The following METTL15 variants were observed in gnomAD, a reference collection of about 807,000 sequenced individuals.
METTL15 encodes the protein methyltransferase 15, mitochondrial 12S rRNA N4-cytidine, also known as 12S rRNA N(4)-cytidine methyltransferase METTL15.
Under a neutral mutation model 38.3 loss-of-function variants are expected in METTL15, and 34 were observed. That is an observed-to-expected ratio of 0.89 (90% CI 0.68 to 1.18). The LOEUF (loss-of-function observed/expected upper bound fraction) is 1.18, where lower values mean the gene tolerates loss of function less well. Ranked by LOEUF, METTL15 falls within the 50% of genes most tolerant of loss-of-function variation. METTL15 has a pLI of 0.00. For missense variants in METTL15, 438 were observed against 498.4 expected, an observed-to-expected ratio of 0.88 and a Z score of 1.15; for synonymous variants, 162 against 170.9, an observed-to-expected ratio of 0.95 and a Z score of 0.41.
chr11:28,233,039 G>A (rs1252452436), intron 4 of METTL15, among the ~76,000 whole-genome samples: 3 of 151,956 alleles, frequency 2.0e-5, no homozygotes, highest in Admixed American at 2.0e-4. Context: ...AACAAAATTA[G>A]CCTTTATTTT....
chr11:28,239,575 T>C (rs893103533), intron 4 of METTL15, among the ~76,000 whole-genome samples: 5 of 152,208 alleles, frequency 3.3e-5, no homozygotes, highest in Non-Finnish European at 7.3e-5. Flanking sequence ...GTTATCCTTC[T>C]TAAAAGCAAA....
intron 6 of METTL15, among the ~76,000 whole-genome samples, chr11:28,517,965 A>T (rs1231363555): frequency 6.6e-6 from 1 of 152,236 alleles, no homozygotes; most frequent in Non-Finnish European, 1.5e-5. Flanking sequence ...CCACATGGAA[A>T]ACTTGCAAAC....
At chr11:28,249,299 A>G (rs2133919588) in intron 4 of METTL15, among the ~76,000 whole-genome samples, 1 of 152,150 alleles carries the variant, frequency 6.6e-6, no homozygotes, top group Non-Finnish European at 1.5e-5. Flanking sequence ...TACTTAGCTA[A>G]GAATTTTACA....
chr11:28,358,591 C>T (rs549865236), intron 4 of METTL15, among the ~76,000 whole-genome samples: 130 of 152,224 alleles, frequency 8.5e-4, no homozygotes, highest in African/African-American at 2.6e-3. Flanking sequence ...TCTTTGCTAC[C>T]GCCTCCCCTG....
At chr11:28,455,446 T>C (rs11030344) in intron 6 of METTL15, among the ~76,000 whole-genome samples, 64,183 of 151,832 alleles carry the variant, frequency 0.42, 14,964 homozygotes, top group Admixed American at 0.54. Context: ...CCATTTTGTC[T>C]CTGTGTCTTG....
chr11:28,206,302 A>G (rs1590156295), intron 3 of METTL15, among the ~76,000 whole-genome samples: 3 of 151,972 alleles, frequency 2.0e-5, no homozygotes, highest in South Asian at 2.1e-4. Flanking sequence ...TAAGGAAGGG[A>G]TCCAGTTTCA....
intron 6 of METTL15, among the ~76,000 whole-genome samples, chr11:28,502,642 T>C (rs985041996): frequency 6.6e-6 from 1 of 152,224 alleles, no homozygotes; most frequent in Non-Finnish European, 1.5e-5. Flanking sequence ...ACAATTTTGG[T>C]TATTTGCACA....
intron 5 of METTL15, among the ~76,000 whole-genome samples, chr11:28,398,006 G>A (rs1007917672): frequency 1.6e-4 from 25 of 151,774 alleles, no homozygotes; most frequent in Admixed American, 4.6e-4. Flanking sequence ...CCAAAACACC[G>A]CATGTTCTCA....
chr11:28,511,745 T>C (rs1851676167), intron 6 of METTL15, among the ~76,000 whole-genome samples: 1 of 152,182 alleles, frequency 6.6e-6, no homozygotes. Flanking sequence ...AAAGGCAGTG[T>C]GGACCCAAAG....
chr11:28,204,937 C>T (rs1253402716), intron 3 of METTL15, among the ~76,000 whole-genome samples: 4 of 151,720 alleles, frequency 2.6e-5, no homozygotes, highest in African/African-American at 9.7e-5. Flanking sequence ...CAGGTAATTT[C>T]AAAGAAGTTC....
chr11:28,120,861 C>CT (rs34663473), intron 3 of METTL15, among the ~76,000 whole-genome samples: 1 of 151,972 alleles, frequency 6.6e-6, no homozygotes, highest in African/African-American at 2.4e-5. Context: ...GAACCTTGTC[C>CT]TTTTTTTCTC....
rs1472239476 is a variant in METTL15, at chr11:28,332,006, A to G, written c.*1165A>G. On this transcript the variant is annotated 3_prime_UTR_variant, in exon 7 of 7. Transcript: ENST00000407364. ...CACTTTTTTCAAATACAGAAAAAAG[A>G]TTCTCCATTATAGTTACAAATTTTA... is the stretch of plus-strand genomic sequence containing the variant. 1 of 152,210 alleles carries G rather than the reference A, an allele frequency of 6.6e-6. No individual in the cohort carries two copies. 9.4% of individuals were successfully genotyped at this position (152,210 alleles called of 1,614,324 possible). A position where few individuals can be genotyped will look rare whatever the true frequency, so the allele number is the denominator to read the frequency against.
intron 4 of METTL15, among the ~76,000 whole-genome samples, chr11:28,289,976 A>G (rs1856445434): frequency 6.6e-6 from 1 of 152,302 alleles, no homozygotes; most frequent in Middle Eastern, 3.4e-3. Flanking sequence ...AAGATATACA[A>G]TAAATTGTGT....
intron 4 of METTL15, among the ~76,000 whole-genome samples, chr11:28,254,770 A>G (rs921847186): frequency 1.3e-5 from 2 of 152,182 alleles, no homozygotes; most frequent in East Asian, 3.8e-4. Flanking sequence ...AACTTTGTGT[A>G]AAATGAATTC....
Position 28,453,313 on chromosome 11 carries a change from G to A in METTL15, c.*424+28949G>A, listed in dbSNP as rs557103793. The stretch of plus-strand genomic sequence containing the variant: ...ATAAAAGAAATCCAGCTGGATTATA[G>A]TTACCAGGTTCTAAGAGCCAAATAC... On this transcript the variant is annotated intron_variant and NMD_transcript_variant, in intron 6 of 7. Transcript: ENST00000532947. Among the ~76,000 whole-genome samples the A allele has an allele frequency of 5.3e-5, 8 of 152,282 alleles. No individual in the cohort carries two copies. In the South Asian group the frequency reaches 1.7e-3, roughly 32 times the overall value.
chr11:28,122,891 T>A (rs2133610801), intron 3 of METTL15, among the ~76,000 whole-genome samples: 1 of 152,128 alleles, frequency 6.6e-6, no homozygotes, highest in African/African-American at 2.4e-5. Flanking sequence ...AACTAATTCT[T>A]TGCTACTAAA....
chr11:28,297,284 C>A (rs1246342513), intron 6 of METTL15, among the ~76,000 whole-genome samples: 2 of 152,118 alleles, frequency 1.3e-5, no homozygotes, highest in Non-Finnish European at 2.9e-5. Flanking sequence ...AAAAGGATTT[C>A]TTGATCCATC....
downstream of METTL15, among the ~76,000 whole-genome samples, chr11:28,531,560 C>A (rs769265707): frequency 3.4e-4 from 51 of 152,028 alleles, no homozygotes; most frequent in Non-Finnish European, 6.2e-4. Flanking sequence ...GTCACTGAAT[C>A]TCTCCGATCC....
chr11:28,226,300 C>T (rs1853474817), intron 4 of METTL15, among the ~76,000 whole-genome samples: 1 of 151,882 alleles, frequency 6.6e-6, no homozygotes, highest in Non-Finnish European at 1.5e-5. Flanking sequence ...CTGTATTCTG[C>T]CATATCCTTG....
Sources: allele counts gnomAD v4.1 joint callset (sites outside exome capture counted in the v4.1 genomes callset), GRCh38; gene constraint gnomAD v4.1.1; transcripts MANE v1.5; gene names NCBI Gene and HGNC (gene_info 2026-07-23, HGNC 2026-07-21).